Variants in TBC1D22B observed in about 807,000 individuals in gnomAD.
TBC1D22B encodes the protein chromosome 6 open reading frame 197.
TBC1D22B carries 32 observed loss-of-function variants against 69.1 expected under a neutral mutation model. The observed-to-expected ratio is 0.46, with a 90% CI of 0.35 to 0.62. The LOEUF (loss-of-function observed/expected upper bound fraction) is 0.62, where lower values mean the gene tolerates loss of function less well. Among genes scored for constraint, TBC1D22B ranks in the 20% least tolerant of loss-of-function variants. The pLI, the probability that TBC1D22B is intolerant of heterozygous loss-of-function variation, is 0.00. For synonymous variants in TBC1D22B, 206 were observed against 229.8 expected (o/e 0.90, Z 0.94); for missense variants, 462 against 630.9 (o/e 0.73, Z 2.87).
chr6:37,310,542 C>T (rs1435532352), intron 8 of TBC1D22B, among the ~76,000 whole-genome samples: 2 of 152,132 alleles, frequency 1.3e-5, no homozygotes, highest in Non-Finnish European at 2.9e-5. Context: ...GTGGCTCATG[C>T]CTGTGATCCC....
chr6:37,330,222 C>CTTTTTTTTTTTTTTTTTTT (rs67372032), intron 12 of TBC1D22B, among the ~76,000 whole-genome samples: 2 of 75,570 alleles, frequency 2.6e-5, no homozygotes, highest in Non-Finnish European at 4.8e-5. Flanking sequence ...TTGTCCGTTT[C>CTTTTTTTTTTTTTTTTTTT]TTTTTTTTTT....
intron 8 of TBC1D22B, among the ~76,000 whole-genome samples, chr6:37,308,525 A>G (rs1294401885): frequency 6.6e-6 from 1 of 152,162 alleles, no homozygotes; most frequent in Non-Finnish European, 1.5e-5. Context: ...GGCTGTGAAA[A>G]CAAAGGGCTA....
At position 37,313,934 on chromosome 6, in the gene TBC1D22B, G is replaced by C. The variant is rs753827594; in HGVS notation, c.1165+43G>C. 2.3e-5 allele frequency: 36 copies of C among 1,569,212 alleles called. No individual in the cohort carries two copies. The South Asian group carries it at 3.2e-4, about 14-fold the overall frequency. ...AGAGTTCTCTAGCAATAGCAGAGTTGATTCTGTTATGAGGCGGTTGTGCTT... is the reference window on the plus strand; with the variant it reads ...AGAGTTCTCTAGCAATAGCAGAGTTCATTCTGTTATGAGGCGGTTGTGCTT... On this transcript the variant is annotated intron_variant, in intron 10 of 12. Transcript: ENST00000373491.
chr6:37,327,465 C>A lies in TBC1D22B; in HGVS notation c.1390-3579C>A, dbSNP rs9470551. 3.3e-4 allele frequency among the ~76,000 whole-genome samples: 21 copies of A among 63,124 alleles called. 2 individuals carry two copies. The highest frequency in any genetic ancestry group is 9.5e-4 in the African/African-American group (10 of 10,498). 41.4% of individuals were successfully genotyped at this position (63,124 alleles called of 152,430 possible). A position where few individuals can be genotyped will look rare whatever the true frequency, so the allele number is the denominator to read the frequency against. On this transcript the variant is annotated intron_variant, in intron 12 of 12. Transcript: ENST00000373491. ...TGCACTCCAGCCTGGGCGACAGAGCCAGACTCCGACTCAAAAAAAAAAAAA... is the reference window on the plus strand; with the variant it reads ...TGCACTCCAGCCTGGGCGACAGAGCAAGACTCCGACTCAAAAAAAAAAAAA...
chr6:37,279,386 A>G lies in TBC1D22B; in HGVS notation c.196A>G (p.Thr66Ala). The G allele has an allele frequency of 3.1e-6, 5 of 1,614,232 alleles. No homozygotes were observed. Among genetic ancestry groups the G allele is most frequent in the Non-Finnish European group, 4.2e-6 (5 of 1,180,036 alleles). The change falls in exon 3 of 13, where the codon ACC becomes GCC. Residue 66 changes from threonine (T) to alanine (A), a missense_variant. This residue lies in a region of TBC1D22B where 237 missense variants were observed against 255.4 expected (regional missense o/e 0.93). Transcript: ENST00000373491. ...CAGTTTTCATGAGTTTGCACGGAAT[A>G]CCAGTGATGCTTGGGACATTGGCGA... ...ASSFHEFARN[T>A]SDAWDIGDDE...
chr6:37,313,685 C>G (rs936792623), intron 9 of TBC1D22B, 131 bp from the exon 10 acceptor site: 20 of 853,734 alleles, frequency 2.3e-5, no homozygotes, highest in Non-Finnish European at 4.0e-5. Context: ...TCTTTGTTTC[C>G]CAGAACACTG....
At chr6:37,306,673 A>AACTTG (rs1767727238) in intron 8 of TBC1D22B, among the ~76,000 whole-genome samples, 2 of 152,228 alleles carry the variant, frequency 1.3e-5, no homozygotes, top group Non-Finnish European at 1.5e-5. Flanking sequence ...AAATAGTGAA[A>AACTTG]ACTTGGTGGT....
chr6:37,304,906 A>G (rs527475096), intron 8 of TBC1D22B, among the ~76,000 whole-genome samples: 1 of 152,362 alleles, frequency 6.6e-6, no homozygotes, highest in Admixed American at 6.5e-5. Context: ...AGAAAGAGGG[A>G]CAGGGATGTG....
At chr6:37,317,803 G>A (rs562642682) in intron 12 of TBC1D22B, among the ~76,000 whole-genome samples, 11 of 152,252 alleles carry the variant, frequency 7.2e-5, no homozygotes, top group African/African-American at 9.6e-5. Context: ...AGCAAGCCAC[G>A]TGGACATCAG....
chr6:37,299,040 AT>A, intron 8 of TBC1D22B, among the ~76,000 whole-genome samples: 1 of 152,364 alleles, frequency 6.6e-6, no homozygotes, highest in Admixed American at 6.5e-5. Flanking sequence ...TACTCCAGCC[AT>A]GAAATGTGTG....
chr6:37,284,351 A>T lies in TBC1D22B; in HGVS notation c.688A>T (p.Asn230Tyr). Residue 230 changes from asparagine to tyrosine, a missense_variant, in exon 6 of 13, where the codon AAC becomes TAC. Coordinates refer to ENST00000373491, the MANE Select transcript of TBC1D22B (RefSeq NM_017772.4). ...WRLLSGYLPANTERRKLTLQR... is the reference protein window; with the variant it reads ...WRLLSGYLPAYTERRKLTLQR... ...TTGTCTATAGGGCTATCTCCCAGCA[A>T]ACACTGAGAGGAGGAAGTTGACCCT... 1 of 1,614,186 alleles carries T rather than the reference A, an allele frequency of 6.2e-7. No homozygotes were observed. The highest frequency in any genetic ancestry group is 1.6e-4 in the Middle Eastern group (1 of 6,062).
intron 6 of TBC1D22B, 72 bp from the exon 7 acceptor site, chr6:37,286,935 A>C (rs1767023867): frequency 7.3e-7 from 1 of 1,378,614 alleles, no homozygotes; most frequent in African/African-American, 1.5e-5. Context: ...CAAGAGCGAG[A>C]CTTCATCTCA....
intron 2 of TBC1D22B, among the ~76,000 whole-genome samples, chr6:37,270,014 C>T (rs1766432843): frequency 1.3e-5 from 2 of 152,216 alleles, no homozygotes; most frequent in Non-Finnish European, 1.5e-5. Flanking sequence ...CTCACTGCTT[C>T]TGAATATAGA....
rs531356709 is a variant in TBC1D22B at position 37,269,567 on chromosome 6, A to G, written c.57-27A>G. ...ATTTAGTTTCCTAACTAAACTAACT[A>G]TTTCTTCCTTTTGTTTTTGCTTTTA... On this transcript the variant is annotated intron_variant, in intron 1 of 12. Coordinates refer to ENST00000373491, the MANE Select transcript of TBC1D22B (RefSeq NM_017772.4). The G allele has an allele frequency of 1.5e-4, 249 of 1,613,054 alleles. 3 individuals carry two copies. The South Asian group carries it at 2.4e-3, about 15-fold the overall frequency.
In TBC1D22B at chr6:37,282,171, T is replaced by C; in HGVS notation, c.422-14T>C. Reference sequence around the variant, plus strand: ...TCACACAGCCCGTTCTCTTTCTTTTTCAAATGATCTCAGGTGATACATGCC... The same window carrying C: ...TCACACAGCCCGTTCTCTTTCTTTTCCAAATGATCTCAGGTGATACATGCC... On this transcript the variant is annotated splice_polypyrimidine_tract_variant and intron_variant, in intron 3 of 12. Coordinates refer to ENST00000373491, the MANE Select transcript of TBC1D22B (RefSeq NM_017772.4). 1 of 1,613,914 alleles carries C rather than the reference T, an allele frequency of 6.2e-7. No individual in the cohort carries two copies.
chr6:37,322,007 G>A (rs865968635), intron 12 of TBC1D22B, among the ~76,000 whole-genome samples: 2 of 152,182 alleles, frequency 1.3e-5, no homozygotes, highest in African/African-American at 2.4e-5. Flanking sequence ...AAGAGCGCTC[G>A]AACCTACCTA....
chr6:37,261,974 T>A (rs1766115541), intron 1 of TBC1D22B, among the ~76,000 whole-genome samples: 1 of 146,898 alleles, frequency 6.8e-6, no homozygotes, highest in Non-Finnish European at 1.5e-5. Flanking sequence ...TGTGTGTGTG[T>A]GTGTGTGTGT....
rs1766509520 is a variant in TBC1D22B at position 37,272,239 on chromosome 6, A to G, written c.113+2589A>G. Among the ~76,000 whole-genome samples, 3 of 150,898 alleles carry G rather than the reference A, an allele frequency of 2.0e-5. No homozygotes were observed. In the South Asian group the frequency reaches 6.3e-4, roughly 32 times the overall value. ...ACCACCACATCTGGCTAATTTTTGT[A>G]CTTTTTGTAGAGACACGGTTTTGCC... On this transcript the variant is annotated intron_variant, in intron 2 of 12. Coordinates refer to ENST00000373491, the MANE Select transcript of TBC1D22B (RefSeq NM_017772.4).
intron 8 of TBC1D22B, among the ~76,000 whole-genome samples, chr6:37,293,312 C>T (rs1767254440): frequency 6.6e-6 from 1 of 152,098 alleles, no homozygotes; most frequent in South Asian, 2.1e-4. Flanking sequence ...CTCCTGACCT[C>T]GTGATCCGCC....
Sources: allele counts gnomAD v4.1 joint callset (sites outside exome capture counted in the v4.1 genomes callset), GRCh38; gene constraint gnomAD v4.1.1; regional missense constraint gnomAD v4.1.1; transcripts MANE v1.5; gene names NCBI Gene and HGNC (gene_info 2026-07-23, HGNC 2026-07-21).